The following OXNAD1 variants were observed in gnomAD, a reference collection of about 807,000 sequenced individuals.
The protein encoded by OXNAD1 is oxidoreductase NAD-binding domain-containing protein 1.
OXNAD1 carries 34 observed loss-of-function variants against 32.9 expected under a neutral mutation model. The ratio of observed to expected loss-of-function variants is 1.03; its 90% CI spans 0.79 to 1.38. The LOEUF (loss-of-function observed/expected upper bound fraction) is 1.38. Among genes scored for constraint, OXNAD1 ranks in the 40% most tolerant of loss-of-function variants. The pLI is 0.00. For missense variants in OXNAD1, 407 were observed against 379.4 expected (o/e 1.07, Z -0.60); for synonymous variants, 134 against 135.2 (o/e 0.99, Z 0.06).
At position 16,312,218 on chromosome 3, in the gene OXNAD1, G is replaced by A. The variant is rs1229360621; in HGVS notation, c.*30+8626G>A. Among the ~76,000 whole-genome samples the A allele has an allele frequency of 2.0e-5, 3 of 152,284 alleles. No individual in the cohort carries two copies. In the East Asian group the frequency reaches 5.8e-4, roughly 29 times the overall value. ...CCTAGCCAAAGGCTCATTGGGTCTT[G>A]TCCTTAGATCTCATGTCCACACACT... On this transcript the variant is annotated intron_variant, in intron 9 of 9. Transcript: ENST00000435829. The surrounding 1 kb of genome is among the most constrained non-coding windows in gnomAD (Gnocchi z 4.7).
rs940173607 is a variant in OXNAD1, at chr3:16,329,832, C to T, written c.*31-7280C>T. The stretch of plus-strand genomic sequence containing the variant: ...CCATGGCAACCAGGACAAGCTTTGG[C>T]GCCTCACAAAGCCCTGAGTGGCAGA... On this transcript the variant is annotated intron_variant, in intron 9 of 9. Coordinates refer to the OXNAD1 transcript ENST00000435829. This position sits in a 1 kb window ranked among gnomAD's most constrained non-coding sequence, Gnocchi z 4.5. 1.3e-5 allele frequency among the ~76,000 whole-genome samples: 2 copies of T among 152,126 alleles called. No homozygotes were observed. The highest frequency in any genetic ancestry group is 2.9e-5 in the Non-Finnish European group (2 of 68,030).
rs1298310613 is a variant in OXNAD1, at chr3:16,284,179, A to C, written c.184-2163A>C. The stretch of plus-strand genomic sequence containing the variant: ...TTGTTGTCCATGTGAGCAGTCTCTG[A>C]GATGTTCAGTGCTCAGTCTTTAAGG... On this transcript the variant is annotated intron_variant, in intron 4 of 8. Transcript: ENST00000285083. This position sits in a 1 kb window ranked among gnomAD's most constrained non-coding sequence, Gnocchi z 4.1. 1.3e-5 allele frequency among the ~76,000 whole-genome samples: 2 copies of C among 152,200 alleles called. No individual in the cohort carries two copies. The highest frequency in any genetic ancestry group is 2.9e-5 in the Non-Finnish European group (2 of 68,040).
At chr3:16,274,278 C>T (rs1156398432) in intron 4 of OXNAD1, among the ~76,000 whole-genome samples, 5 of 151,322 alleles carry the variant, frequency 3.3e-5, no homozygotes, top group Non-Finnish European at 5.9e-5. Context: ...ACTATAACTA[C>T]AGTATGTTAA....
intron 1 of OXNAD1, among the ~76,000 whole-genome samples, chr3:16,266,774 A>AT (rs895201457): frequency 6.6e-6 from 1 of 152,150 alleles, no homozygotes; most frequent in African/African-American, 2.4e-5. Context: ...ATTAGGATTG[A>AT]TTTTAGTAAC....
At position 16,285,266 on chromosome 3, in the gene OXNAD1, G is replaced by C. The variant is rs77390537; in HGVS notation, c.184-1076G>C. ...ACTAATAGTTTGATGAGATTTAGTA[G>C]TCCTATTGGAGTAGAGGGCCTGCAT... On this transcript the variant is annotated intron_variant, in intron 4 of 8. Transcript: ENST00000285083. 2.8e-3 allele frequency among the ~76,000 whole-genome samples: 426 copies of C among 152,298 alleles called. 1 individual carries two copies. Among genetic ancestry groups the C allele is most frequent in the African/African-American group, 0.01 (416 of 41,560 alleles).
chr3:16,294,769 A>C, intron 5 of OXNAD1, 87 bp from the exon 6 acceptor site: 2 of 1,251,834 alleles, frequency 1.6e-6, no homozygotes, highest in Admixed American at 4.9e-5. Flanking sequence ...TTTTTTTCAT[A>C]GTCTTGCAAA....
At chr3:16,307,446 T>A (rs779407332), downstream of OXNAD1, among the ~76,000 whole-genome samples, 12 of 152,272 alleles carry the variant, frequency 7.9e-5, no homozygotes, top group Admixed American at 1.3e-4. Flanking sequence ...TGGCTAGCTG[T>A]GTCATGCTGC....
chr3:16,326,700 G>C, intron 9 of OXNAD1: 2 of 1,095,362 alleles, frequency 1.8e-6, no homozygotes, highest in South Asian at 2.7e-5. Context: ...ATAGACGTGA[G>C]GTGCTCATTA....
intron 9 of OXNAD1, among the ~76,000 whole-genome samples, chr3:16,331,466 A>G (rs1204514448): frequency 6.6e-6 from 1 of 152,248 alleles, no homozygotes; most frequent in Non-Finnish European, 1.5e-5. Flanking sequence ...ATGCTGGGTC[A>G]AATAATGCAC....
chr3:16,325,219 A>G (rs562862694), intron 9 of OXNAD1, among the ~76,000 whole-genome samples: 1 of 152,350 alleles, frequency 6.6e-6, no homozygotes, highest in South Asian at 2.1e-4. Context: ...ACGGAATCCA[A>G]CTACCACTTT....
intron 4 of OXNAD1, among the ~76,000 whole-genome samples, chr3:16,282,016 C>T (rs1487348792): frequency 6.8e-6 from 1 of 147,232 alleles, no homozygotes; most frequent in Non-Finnish European, 1.5e-5. Context: ...AGTGTGCCAC[C>T]ATGCCTAGCT....
intron 4 of OXNAD1, among the ~76,000 whole-genome samples, chr3:16,279,354 A>G (rs1282762454): frequency 6.6e-6 from 1 of 152,188 alleles, no homozygotes; most frequent in Admixed American, 6.5e-5. Context: ...TGAAGGCTAC[A>G]AAGAAAGGGA....
intron 4 of OXNAD1, among the ~76,000 whole-genome samples, chr3:16,283,863 A>G (rs1317602737): frequency 6.6e-6 from 1 of 151,812 alleles, no homozygotes; most frequent in Non-Finnish European, 1.5e-5. Flanking sequence ...AGTGTGGAAA[A>G]TACCAAATTC....
downstream of OXNAD1, among the ~76,000 whole-genome samples, chr3:16,337,939 C>T (rs551053498): frequency 2.6e-5 from 4 of 152,152 alleles, no homozygotes; most frequent in Non-Finnish European, 4.4e-5. The surrounding 1 kb of genome is among the most constrained non-coding windows in gnomAD (Gnocchi z 5.0). Flanking sequence ...TGATAACCTA[C>T]TGTGAGGCCC....
At chr3:16,309,479 TTAAC>T (rs556546245), downstream of OXNAD1, among the ~76,000 whole-genome samples, 182 of 151,450 alleles carry the variant, frequency 1.2e-3, 4 homozygotes, top group South Asian at 0.022. Flanking sequence ...GGTGATTTTT[TTAAC>T]TAACAATTTT....
rs2067266327 is a variant in OXNAD1 at position 16,302,596 on chromosome 3, AT to A, written c.676-38del. 2.9e-6 allele frequency: 4 copies of A among 1,399,928 alleles called. No individual in the cohort carries two copies. Among genetic ancestry groups the A allele is most frequent in the Non-Finnish European group, 4.0e-6 (4 of 1,000,042 alleles). The allele number at this position is 1,399,928 out of a possible 1,614,324, so 86.7% of individuals were successfully genotyped here. On this transcript the variant is annotated intron_variant, in intron 7 of 8. Coordinates refer to ENST00000285083, the MANE Select transcript of OXNAD1 (RefSeq NM_138381.5). This position sits in a 1 kb window ranked among gnomAD's most constrained non-coding sequence, Gnocchi z 4.2. ...TCAATGGTTGTGCACATCTGTTTTG[AT>A]TTTTTAAAATTGTAGTGTGACCAAA...
intron 1 of OXNAD1, among the ~76,000 whole-genome samples, chr3:16,267,270 G>A (rs112434069): frequency 5.0e-4 from 76 of 152,240 alleles, no homozygotes; most frequent in African/African-American, 1.6e-3. Flanking sequence ...TGGGTTTCCT[G>A]CTTCCACTCC....
At position 16,322,076 on chromosome 3, in the gene OXNAD1, C is replaced by T. The variant is rs578097008; in HGVS notation, c.*31-15036C>T. On this transcript the variant is annotated intron_variant, in intron 9 of 9. Coordinates refer to the OXNAD1 transcript ENST00000435829. This position sits in a 1 kb window ranked among gnomAD's most constrained non-coding sequence, Gnocchi z 6.2. The stretch of plus-strand genomic sequence containing the variant: ...TTTGCGTGCTGTGTGTTGAATGTTG[C>T]ACTTGCTGAATGCATGCAGTTCCCG... Among the ~76,000 whole-genome samples the T allele has an allele frequency of 6.6e-6, 1 of 152,334 alleles. No homozygotes were observed. The highest frequency in any genetic ancestry group is 6.5e-5 in the Admixed American group (1 of 15,298).
At chr3:16,276,515 A>AT (rs35338490) in intron 4 of OXNAD1, 4,747 of 143,556 alleles carry the variant, frequency 0.033, 82 homozygotes, top group Middle Eastern at 0.044. Context: ...CAATCTTGCT[A>AT]TTTTTTTTTT....
Sources: gnomAD v4.1 joint callset for allele counts (sites outside exome capture counted in the v4.1 genomes callset) on GRCh38, gnomAD v4.1.1 for gene constraint, Gnocchi (gnomAD v3.1) non-coding constraint, MANE v1.5 for transcripts, NCBI Gene and HGNC (gene_info 2026-07-23, HGNC 2026-07-21) for gene names.